MAP2K5: variants seen among roughly 807,000 people sequenced by gnomAD.
MAP2K5 encodes dual specificity mitogen-activated protein kinase kinase 5.
A neutral mutation model predicts 83.1 loss-of-function variants in MAP2K5; 49 were observed. That is an observed-to-expected ratio of 0.59 (90% confidence interval 0.47 to 0.75). The LOEUF (loss-of-function observed/expected upper bound fraction) is 0.75. MAP2K5 is among the 30% of genes least tolerant of loss of function. MAP2K5 has a pLI of 0.00. For synonymous variants in MAP2K5, 202 were observed against 191.8 expected, an observed-to-expected ratio of 1.05 and a Z score of -0.44; for missense variants, 457 against 557.5, an observed-to-expected ratio of 0.82 and a Z score of 1.82.
intron 8 of MAP2K5, chr15:67,627,815 G>A (rs2086362730): frequency 4.8e-6 from 2 of 417,138 alleles, no homozygotes; most frequent in Non-Finnish European, 8.9e-6. Flanking sequence ...ACGCCACAGA[G>A]GAAACATCAT....
intron 1 of MAP2K5, among the ~76,000 whole-genome samples, chr15:67,544,196 G>A (rs1001047372): frequency 6.6e-6 from 1 of 152,156 alleles, no homozygotes. Flanking sequence ...CCCAGCCTGA[G>A]CAAACTTAAA....
intron 2 of MAP2K5, among the ~76,000 whole-genome samples, chr15:67,550,646 TC>T (rs2084488925): frequency 6.6e-6 from 1 of 151,926 alleles, no homozygotes; most frequent in Admixed American, 6.5e-5. Flanking sequence ...GCAGAGGACA[TC>T]ATGGAATGAG....
rs370375131 is a variant in MAP2K5 at position 67,646,365 on chromosome 15, C to T, written c.655-23C>T. ...GTATTGACTTGCAGGTTTATAACTACTTTTGTCTTATTTTTGTTACAGTGC... is the reference window on the plus strand; with the variant it reads ...GTATTGACTTGCAGGTTTATAACTATTTTTGTCTTATTTTTGTTACAGTGC... On this transcript the variant is annotated intron_variant, in intron 10 of 21. Coordinates refer to ENST00000178640, the MANE Select transcript of MAP2K5 (RefSeq NM_145160.3). 1.0e-5 allele frequency: 15 copies of T among 1,501,930 alleles called. No individual in the cohort carries two copies. The Admixed American group carries it at 1.4e-4, about 14-fold the overall frequency. 93.0% of individuals were successfully genotyped at this position (1,501,930 alleles called of 1,614,324 possible).
chr15:67,706,453 G>A (rs1435095017), intron 16 of MAP2K5, among the ~76,000 whole-genome samples: 1 of 152,164 alleles, frequency 6.6e-6, no homozygotes, highest in African/African-American at 2.4e-5. Context: ...GGCTCGTGTG[G>A]TAGAGAGCAG....
At position 67,690,405 on chromosome 15, in the gene MAP2K5, A is replaced by G. The variant is rs2088076140; in HGVS notation, c.848-2074A>G. Among the ~76,000 whole-genome samples the G allele has an allele frequency of 6.6e-6, 1 of 152,174 alleles. No individual in the cohort carries two copies. Among genetic ancestry groups the G allele is most frequent in the Non-Finnish European group, 1.5e-5 (1 of 68,042 alleles). Reference sequence around the variant, plus strand: ...AATACTTAACCTCCTCCTTAAGGAGACAAGTGATGTAGTGAAAGTGGTATA... The same window carrying G: ...AATACTTAACCTCCTCCTTAAGGAGGCAAGTGATGTAGTGAAAGTGGTATA... On this transcript the variant is annotated intron_variant, in intron 13 of 21. Coordinates refer to ENST00000178640, the MANE Select transcript of MAP2K5 (RefSeq NM_145160.3). The surrounding 1 kb of genome is among the most constrained non-coding windows in gnomAD (Gnocchi z 4.3).
At position 67,778,775 on chromosome 15, in the gene MAP2K5, T is replaced by C. The variant is rs1164046448; in HGVS notation, c.1242+6023T>C. Among the ~76,000 whole-genome samples the C allele has an allele frequency of 1.3e-5, 2 of 152,140 alleles. No individual in the cohort carries two copies. Among genetic ancestry groups the C allele is most frequent in the Non-Finnish European group, 2.9e-5 (2 of 68,012 alleles). On this transcript the variant is annotated intron_variant, in intron 21 of 21. Coordinates refer to ENST00000178640, the MANE Select transcript of MAP2K5 (RefSeq NM_145160.3). The surrounding 1 kb of genome is among the most constrained non-coding windows in gnomAD (Gnocchi z 5.0). ...TCTACTAAACATGCCAAAGATAAGT[T>C]TCGGTTTACTTTGATCCGGGGCTTA...
chr15:67,550,450 A>C (rs2084485024), intron 2 of MAP2K5, among the ~76,000 whole-genome samples: 1 of 152,212 alleles, frequency 6.6e-6, no homozygotes, highest in African/African-American at 2.4e-5. Flanking sequence ...ACATAGCAAC[A>C]AAGTAGAGCT....
In MAP2K5 at chr15:67,794,457, G is replaced by A. The variant is rs760858556; in HGVS notation, c.1243-12189G>A. On this transcript the variant is annotated intron_variant, in intron 21 of 21. Coordinates refer to ENST00000178640, the MANE Select transcript of MAP2K5 (RefSeq NM_145160.3). The surrounding 1 kb of genome is among the most constrained non-coding windows in gnomAD (Gnocchi z 4.6). The stretch of plus-strand genomic sequence containing the variant: ...CTGTTTCAGATGGAAAACATTGGTC[G>A]CTAATAGCAGAAACTTGAGAATAAT... Among the ~76,000 whole-genome samples the A allele has an allele frequency of 6.6e-6, 1 of 151,846 alleles. No individual in the cohort carries two copies. The highest frequency in any genetic ancestry group is 2.4e-5 in the African/African-American group (1 of 41,324).
intron 21 of MAP2K5, among the ~76,000 whole-genome samples, chr15:67,773,580 A>G (rs963639778): frequency 3.3e-5 from 5 of 152,210 alleles, no homozygotes; most frequent in Admixed American, 2.6e-4. Flanking sequence ...CCTAATAAAC[A>G]GTTTCAGTGC....
rs2089387491 is a variant in MAP2K5 at position 67,738,187 on chromosome 15, A to G, written c.1075-10044A>G. 6.6e-6 allele frequency among the ~76,000 whole-genome samples: 1 copy of G among 152,168 alleles called. No individual in the cohort carries two copies. The highest frequency in any genetic ancestry group is 1.5e-5 in the Non-Finnish European group (1 of 68,024). ...TTATGAGAGAAGAAGCTATTGGCCTACAGGTTCAGAGGAGGAGAGACCAAA... is the reference window on the plus strand; with the variant it reads ...TTATGAGAGAAGAAGCTATTGGCCTGCAGGTTCAGAGGAGGAGAGACCAAA... On this transcript the variant is annotated intron_variant, in intron 17 of 21. Coordinates refer to ENST00000178640, the MANE Select transcript of MAP2K5 (RefSeq NM_145160.3). This position sits in a 1 kb window ranked among gnomAD's most constrained non-coding sequence, Gnocchi z 4.1.
intron 17 of MAP2K5, among the ~76,000 whole-genome samples, chr15:67,729,906 G>A (rs957185083): frequency 6.6e-6 from 1 of 152,222 alleles, no homozygotes; most frequent in Non-Finnish European, 1.5e-5. Context: ...GATCAGTCAA[G>A]TGGAAGTTGG....
At chr15:67,613,004 G>C (rs1567309486) in intron 8 of MAP2K5, among the ~76,000 whole-genome samples, 1 of 146,490 alleles carries the variant, frequency 6.8e-6, no homozygotes, top group Non-Finnish European at 1.5e-5. Context: ...AGTTAAAAGA[G>C]GAGTTATTTA....
In MAP2K5 at chr15:67,755,026, G is replaced by A. The variant is rs2089805186; in HGVS notation, c.1134+6425G>A. ...TTGCTCTGTTTGCCCAGGCTAGAGT[G>A]TGCAGTGGCACAATCTTGGCTCACT... On this transcript the variant is annotated intron_variant, in intron 19 of 21. Coordinates refer to ENST00000178640, the MANE Select transcript of MAP2K5 (RefSeq NM_145160.3). The surrounding 1 kb of genome is among the most constrained non-coding windows in gnomAD (Gnocchi z 4.7). Among the ~76,000 whole-genome samples, 1 of 152,150 alleles carries A rather than the reference G, an allele frequency of 6.6e-6. No homozygotes were observed. Among genetic ancestry groups the A allele is most frequent in the Admixed American group, 6.5e-5 (1 of 15,280 alleles).
At chr15:67,701,665 T>TAC (rs1033940084) in intron 15 of MAP2K5, among the ~76,000 whole-genome samples, 12 of 152,182 alleles carry the variant, frequency 7.9e-5, no homozygotes, top group Non-Finnish European at 1.6e-4. Flanking sequence ...GAGCTAAGTG[T>TAC]ACCAAAGAAT....
rs886416822 is a variant in MAP2K5 at position 67,719,952 on chromosome 15, CT to C, written c.1045-7960del. On this transcript the variant is annotated intron_variant, in intron 16 of 21. Transcript: ENST00000178640. The surrounding 1 kb of genome is among the most constrained non-coding windows in gnomAD (Gnocchi z 4.6). ...GACCTTTGCCATTGTTTTTAACTGA[CT>C]TTTAGAGATTTAGTTATATACCCAG... Among the ~76,000 whole-genome samples the C allele has an allele frequency of 6.0e-4, 92 of 152,206 alleles. No individual in the cohort carries two copies. The highest frequency in any genetic ancestry group is 2.1e-3 in the African/African-American group (89 of 41,528).
intron 15 of MAP2K5, among the ~76,000 whole-genome samples, chr15:67,700,780 A>G (rs1009542993): frequency 6.6e-6 from 1 of 151,862 alleles, no homozygotes. Flanking sequence ...TTTTTGCTCA[A>G]ACACTGCATC....
At chr15:67,617,021 A>G (rs936552882) in intron 8 of MAP2K5, among the ~76,000 whole-genome samples, 23 of 152,230 alleles carry the variant, frequency 1.5e-4, no homozygotes, top group African/African-American at 3.9e-4. Flanking sequence ...CCTTCATAGA[A>G]CAGTGGCAAT....
chr15:67,560,861 T>G (rs2084720350), intron 2 of MAP2K5, among the ~76,000 whole-genome samples: 1 of 152,230 alleles, frequency 6.6e-6, no homozygotes, highest in Non-Finnish European at 1.5e-5. Context: ...AGAACTCTCC[T>G]TTTGTTCTTG....
chr15:67,724,279 G>A lies in MAP2K5; in HGVS notation c.1045-3637G>A, dbSNP rs1754972087. The stretch of plus-strand genomic sequence containing the variant: ...GGGTAAAAGATACAGAATGGCCCCA[G>A]GTCTGCCTGTGTGTGAAATATTCAC... On this transcript the variant is annotated intron_variant, in intron 16 of 21. Coordinates refer to ENST00000178640, the MANE Select transcript of MAP2K5 (RefSeq NM_145160.3). The surrounding 1 kb of genome is among the most constrained non-coding windows in gnomAD (Gnocchi z 4.4). 6.6e-6 allele frequency among the ~76,000 whole-genome samples: 1 copy of A among 152,170 alleles called. No individual in the cohort carries two copies. The highest frequency in any genetic ancestry group is 2.4e-5 in the African/African-American group (1 of 41,438).
Sources: gnomAD v4.1 joint callset for allele counts (sites outside exome capture counted in the v4.1 genomes callset) on GRCh38, gnomAD v4.1.1 for gene constraint, Gnocchi (gnomAD v3.1) non-coding constraint, MANE v1.5 for transcripts, NCBI Gene and HGNC (gene_info 2026-07-23, HGNC 2026-07-21) for gene names.